Variants in ASB18 observed in about 807,000 individuals in gnomAD.
The protein encoded by ASB18 is ankyrin repeat and SOCS box protein 18.
ASB18 carries 33 observed loss-of-function variants against 33.4 expected under a neutral mutation model. The observed-to-expected ratio is 0.99, with a 90% CI of 0.75 to 1.32. The LOEUF is 1.32. ASB18 is among the 40% of genes most tolerant of loss of function. ASB18 has a pLI of 0.00. For synonymous variants in ASB18, 295 were observed against 307.6 expected, an observed-to-expected ratio of 0.96 and a Z score of 0.43; for missense variants, 694 against 655.5, an observed-to-expected ratio of 1.06 and a Z score of -0.64.
chr2:236,257,602 G>T lies in ASB18; in HGVS notation c.205+6539C>A, dbSNP rs531109166. 6.6e-6 allele frequency among the ~76,000 whole-genome samples: 1 copy of T among 152,200 alleles called. No individual in the cohort carries two copies. The highest frequency in any genetic ancestry group is 1.5e-5 in the Non-Finnish European group (1 of 68,030). On this transcript the variant is annotated intron_variant, in intron 1 of 5. Coordinates refer to ENST00000409749, the MANE Select transcript of ASB18 (RefSeq NM_212556.4). The surrounding 1 kb of genome is among the most constrained non-coding windows in gnomAD (Gnocchi z 5.5). ...ATGTCAGATTAAAGGGTTGTAGACA[G>T]CTTCACTGGGAAGTTTTTTCAGGGA...
intron 4 of ASB18, among the ~76,000 whole-genome samples, chr2:236,212,017 C>T (rs929225219): frequency 6.6e-6 from 1 of 152,128 alleles, no homozygotes; most frequent in Non-Finnish European, 1.5e-5. Flanking sequence ...TGCTTGCAGG[C>T]GCCATGTTCA....
Position 236,214,631 on chromosome 2 carries a change from G to A in ASB18, c.832C>T (p.Leu278=). ...EHGRCLRLCA[L]LLRRGAEADA... The stretch of plus-strand genomic sequence containing the variant: ...GCCTCCGCCCCGCGCCGCAGCAGCA[G>A]CGCGCACAGGCGCAGGCAGCGCCCG... The change falls in exon 4 of 6, where the codon CTG becomes TTG. Residue 278 remains leucine, a synonymous_variant. Coordinates refer to ENST00000409749, the MANE Select transcript of ASB18 (RefSeq NM_212556.4). This position sits in a 1 kb window ranked among gnomAD's most constrained non-coding sequence, Gnocchi z 6.5. The A allele has an allele frequency of 8.5e-7, 1 of 1,182,188 alleles. No homozygotes were observed. The highest frequency in any genetic ancestry group is 1.0e-6 in the Non-Finnish European group (1 of 958,022). The allele number at this position is 1,182,188 out of a possible 1,614,324, so 73.2% of individuals were successfully genotyped here.
chr2:236,247,087 A>T (rs1320288452), intron 1 of ASB18, among the ~76,000 whole-genome samples: 1 of 148,280 alleles, frequency 6.7e-6, no homozygotes, highest in Non-Finnish European at 1.5e-5. Flanking sequence ...TCCAAGTTTG[A>T]TTTCAGTAGG....
Position 236,214,380 on chromosome 2 carries a change from C to T in ASB18, c.1083G>A (p.Trp361Ter). The T allele has an allele frequency of 7.6e-6, 12 of 1,577,292 alleles. No homozygotes were observed. Among genetic ancestry groups the T allele is most frequent in the Non-Finnish European group, 8.6e-6 (10 of 1,166,258 alleles). ...ALLNHGSPTV[W>*]PDAFPKVLKT... ...GCCTTACCTTGGGGAAGGCGTCGGG[C>T]CACACGGTGGGAGAGCCGTGGTTGA... Residue 361 changes from tryptophan (W) to a stop codon, truncating the protein, a stop_gained, in exon 4 of 6, where the codon TGG becomes TGA. Coordinates refer to ENST00000409749, the MANE Select transcript of ASB18 (RefSeq NM_212556.4). LOFTEE classifies it high-confidence loss of function. The surrounding 1 kb of genome is among the most constrained non-coding windows in gnomAD (Gnocchi z 6.5).
In ASB18 at chr2:236,228,002, A is replaced by G. The variant is rs1179737195; in HGVS notation, c.596+9687T>C. On this transcript the variant is annotated intron_variant, in intron 3 of 5. Coordinates refer to ENST00000409749, the MANE Select transcript of ASB18 (RefSeq NM_212556.4). This position sits in a 1 kb window ranked among gnomAD's most constrained non-coding sequence, Gnocchi z 5.1. Reference sequence around the variant, plus strand: ...ATTGAATGCTTGCAGGAATGGAGTCAATATTGGTTGACCTTGGAGCTGTGT... The same window carrying G: ...ATTGAATGCTTGCAGGAATGGAGTCGATATTGGTTGACCTTGGAGCTGTGT... Among the ~76,000 whole-genome samples the G allele has an allele frequency of 6.6e-6, 1 of 152,230 alleles. No homozygotes were observed. The highest frequency in any genetic ancestry group is 2.4e-5 in the African/African-American group (1 of 41,456).
rs967645851 is a variant in ASB18 at position 236,248,865 on chromosome 2, A to G, written c.206-7463T>C. On this transcript the variant is annotated intron_variant, in intron 1 of 5. Coordinates refer to ENST00000409749, the MANE Select transcript of ASB18 (RefSeq NM_212556.4). The surrounding 1 kb of genome is among the most constrained non-coding windows in gnomAD (Gnocchi z 4.9). The stretch of plus-strand genomic sequence containing the variant: ...CAGGTCAGAGCAACAGGCCGATTCA[A>G]TCAATGCCACCAGGCAGCATTCAAA... 2.6e-5 allele frequency: 4 copies of G among 152,372 alleles called. No homozygotes were observed. The South Asian group carries it at 6.2e-4, about 24-fold the overall frequency. The allele number at this position is 152,372 out of a possible 1,614,324, so 9.4% of individuals were successfully genotyped here. A position where few individuals can be genotyped will look rare whatever the true frequency, so the allele number is the denominator to read the frequency against.
Position 236,237,813 on chromosome 2 carries a change from C to T in ASB18, c.472G>A (p.Glu158Lys), listed in dbSNP as rs1448530890. The change falls in exon 3 of 6, where the codon GAG becomes AAG. Residue 158 changes from glutamate (E) to lysine (K), a missense_variant. Glu to Lys is a moderately conservative substitution (Grantham distance 56). Transcript: ENST00000409749. This position sits in a 1 kb window ranked among gnomAD's most constrained non-coding sequence, Gnocchi z 6.2. ...GCGGTGTGGCCCCCGAGGCAGGCCTCGTGCAGGGCGCCGCGGCCGCCGGGG... is the reference window on the plus strand; with the variant it reads ...GCGGTGTGGCCCCCGAGGCAGGCCTTGTGCAGGGCGCCGCGGCCGCCGGGG... ...ASPGGRGALH[E>K]ACLGGHTACV... 1 of 1,379,544 alleles carries T rather than the reference C, an allele frequency of 7.2e-7. No homozygotes were observed. The highest frequency in any genetic ancestry group is 9.3e-7 in the Non-Finnish European group (1 of 1,077,162). 85.5% of individuals were successfully genotyped at this position (1,379,544 alleles called of 1,614,324 possible). A position where few individuals can be genotyped will look rare whatever the true frequency, so the allele number is the denominator to read the frequency against.
rs2060641803 is a variant in ASB18 at position 236,245,759 on chromosome 2, C to T, written c.206-4357G>A. Among the ~76,000 whole-genome samples, 1 of 152,214 alleles carries T rather than the reference C, an allele frequency of 6.6e-6. No individual in the cohort carries two copies. Among genetic ancestry groups the T allele is most frequent in the Admixed American group, 6.5e-5 (1 of 15,282 alleles). On this transcript the variant is annotated intron_variant, in intron 1 of 5. Coordinates refer to ENST00000409749, the MANE Select transcript of ASB18 (RefSeq NM_212556.4). This position sits in a 1 kb window ranked among gnomAD's most constrained non-coding sequence, Gnocchi z 4.7. The stretch of plus-strand genomic sequence containing the variant: ...GACGGTGGGGGCTGCTGCTTCCTCT[C>T]TGGGAAGTTCTTCATGCCCCGCATG...
rs574330712 is a variant in ASB18 at position 236,194,801 on chromosome 2, A to G, written c.*71T>C. The G allele has an allele frequency of 8.8e-6, 12 of 1,358,026 alleles. No individual in the cohort carries two copies. In the South Asian group the frequency reaches 1.7e-4, roughly 19 times the overall value. The allele number at this position is 1,358,026 out of a possible 1,614,324, so 84.1% of individuals were successfully genotyped here. A position where few individuals can be genotyped will look rare whatever the true frequency, so the allele number is the denominator to read the frequency against. ...CCATCACCTCCATCTGCATCAGGGC[A>G]CTCTCCAACACACGGCCTCCATGGA... On this transcript the variant is annotated 3_prime_UTR_variant, in exon 6 of 6. Coordinates refer to ENST00000409749, the MANE Select transcript of ASB18 (RefSeq NM_212556.4). The surrounding 1 kb of genome is among the most constrained non-coding windows in gnomAD (Gnocchi z 4.5).
chr2:236,243,856 T>A (rs978898445), intron 1 of ASB18, among the ~76,000 whole-genome samples: 6 of 152,196 alleles, frequency 3.9e-5, no homozygotes, highest in African/African-American at 1.4e-4. Context: ...AGATAGAGTC[T>A]TGCTCTGTCA....
chr2:236,206,962 G>A (rs2060437122), intron 4 of ASB18, among the ~76,000 whole-genome samples: 1 of 152,220 alleles, frequency 6.6e-6, no homozygotes, highest in African/African-American at 2.4e-5. Flanking sequence ...TCTGGTGGGT[G>A]TTGGTGTCAC....
At position 236,214,363 on chromosome 2, in the gene ASB18, T is replaced by C. The variant is rs778041281; in HGVS notation, c.1100A>G (p.Lys367Arg). Residue 367 changes from lysine (K) to arginine (R), a missense_variant and splice_region_variant, in exon 4 of 6, where the codon AAG becomes AGG. Physicochemically the swap from Lys to Arg is conservative, Grantham distance 26 (BLOSUM62 2). Transcript: ENST00000409749. This position sits in a 1 kb window ranked among gnomAD's most constrained non-coding sequence, Gnocchi z 6.5. ...CAGCCGGGCTGGATCCTGCCTTACC[T>C]TGGGGAAGGCGTCGGGCCACACGGT... ...SPTVWPDAFPKVLKTCASVPA... is the reference protein window; with the variant it reads ...SPTVWPDAFPRVLKTCASVPA... 4 of 1,573,980 alleles carry C rather than the reference T, an allele frequency of 2.5e-6. No homozygotes were observed. The highest frequency in any genetic ancestry group is 3.4e-6 in the Non-Finnish European group (4 of 1,163,926).
rs887208805 is a variant in ASB18 at position 236,231,120 on chromosome 2, C to T, written c.596+6569G>A. Among the ~76,000 whole-genome samples, 4 of 152,168 alleles carry T rather than the reference C, an allele frequency of 2.6e-5. No homozygotes were observed. The highest frequency in any genetic ancestry group is 1.3e-4 in the Admixed American group (2 of 15,264). ...AGCGTGGGCAGAACCTTTGATTTGC[C>T]GCTAACCAATGGACTATTGCAAAGG... is the stretch of plus-strand genomic sequence containing the variant. On this transcript the variant is annotated intron_variant, in intron 3 of 5. Transcript: ENST00000409749. The surrounding 1 kb of genome is among the most constrained non-coding windows in gnomAD (Gnocchi z 5.5).
At chr2:236,236,788 G>C (rs1211537665) in intron 3 of ASB18, among the ~76,000 whole-genome samples, 1 of 152,228 alleles carries the variant, frequency 6.6e-6, no homozygotes, top group Non-Finnish European at 1.5e-5. Flanking sequence ...GTTTCTGAGA[G>C]AGCCGCGCGG....
rs1251969202 is a variant in ASB18, at chr2:236,262,279, A to G, written c.205+1862T>C. On this transcript the variant is annotated intron_variant, in intron 1 of 5. Coordinates refer to ENST00000409749, the MANE Select transcript of ASB18 (RefSeq NM_212556.4). This position sits in a 1 kb window ranked among gnomAD's most constrained non-coding sequence, Gnocchi z 5.2. ...TTGCTGTAGTCAGGATCCCAACAGA[A>G]AGCAGATGGCATGAGCTCAGGGCAT... Among the ~76,000 whole-genome samples the G allele has an allele frequency of 6.6e-6, 1 of 152,194 alleles. No homozygotes were observed. The highest frequency in any genetic ancestry group is 1.5e-5 in the Non-Finnish European group (1 of 68,032).
At chr2:236,206,601 A>G (rs545461057) in intron 4 of ASB18, among the ~76,000 whole-genome samples, 2 of 152,332 alleles carry the variant, frequency 1.3e-5, no homozygotes, top group South Asian at 4.1e-4. Context: ...TGAGATAAAA[A>G]GATGCATTTC....
chr2:236,233,077 A>T (rs2060573847), intron 3 of ASB18, among the ~76,000 whole-genome samples: 1 of 152,138 alleles, frequency 6.6e-6, no homozygotes, highest in African/African-American at 2.4e-5. Context: ...TAATATATAA[A>T]AAAGGATAAC....
chr2:236,263,789 T>C lies in ASB18; in HGVS notation c.205+352A>G, dbSNP rs2060731563. On this transcript the variant is annotated intron_variant, in intron 1 of 5. Coordinates refer to ENST00000409749, the MANE Select transcript of ASB18 (RefSeq NM_212556.4). The surrounding 1 kb of genome is among the most constrained non-coding windows in gnomAD (Gnocchi z 4.0). The stretch of plus-strand genomic sequence containing the variant: ...AGCAACATGGAAAATGCTTTAGATT[T>C]AGATTTTGTAGATCTCAAGGGAGCA... Among the ~76,000 whole-genome samples the C allele has an allele frequency of 6.6e-6, 1 of 152,234 alleles. No homozygotes were observed. Among genetic ancestry groups the C allele is most frequent in the Non-Finnish European group, 1.5e-5 (1 of 68,044 alleles).
At position 236,228,329 on chromosome 2, in the gene ASB18, A is replaced by T. The variant is rs2060550383; in HGVS notation, c.596+9360T>A. Among the ~76,000 whole-genome samples, 2 of 129,406 alleles carry T rather than the reference A, an allele frequency of 1.5e-5. No homozygotes were observed. Among genetic ancestry groups the T allele is most frequent in the African/African-American group, 8.0e-5 (2 of 24,942 alleles). The allele number at this position is 129,406 out of a possible 152,430, so 84.9% of individuals were successfully genotyped here. On this transcript the variant is annotated intron_variant, in intron 3 of 5. Coordinates refer to ENST00000409749, the MANE Select transcript of ASB18 (RefSeq NM_212556.4). This position sits in a 1 kb window ranked among gnomAD's most constrained non-coding sequence, Gnocchi z 5.1. Reference sequence around the variant, plus strand: ...TCAGGCTGAGGGTTCTATGAAGGGGACCCCAGCAGAGCCTGGTGAGCTGAG... The same window carrying T: ...TCAGGCTGAGGGTTCTATGAAGGGGTCCCCAGCAGAGCCTGGTGAGCTGAG...
Sources: gnomAD v4.1 joint callset for allele counts (sites outside exome capture counted in the v4.1 genomes callset) on GRCh38, gnomAD v4.1.1 for gene constraint, Gnocchi (gnomAD v3.1) non-coding constraint, MANE v1.5 for transcripts, NCBI Gene and HGNC (gene_info 2026-07-23, HGNC 2026-07-21) for gene names.